Variants in MAPK10 observed in about 807,000 individuals in gnomAD.
The protein encoded by MAPK10 is JNK3 alpha protein kinase.
Under a neutral mutation model 59.3 loss-of-function variants are expected in MAPK10, and 25 were observed. The observed-to-expected ratio is 0.42, with a 90% CI of 0.31 to 0.59. MAPK10 has a LOEUF of 0.59. Ranked by LOEUF, MAPK10 falls within the 20% of genes least tolerant of loss-of-function variation. MAPK10 has a pLI of 0.15. For missense variants in MAPK10, 351 were observed against 568.9 expected, an observed-to-expected ratio of 0.62 and a Z score of 3.90; for synonymous variants, 190 against 200.5, an observed-to-expected ratio of 0.95 and a Z score of 0.44.
chr4:86,411,930 G>C (rs1745227936), intron 1 of MAPK10, among the ~76,000 whole-genome samples: 1 of 152,132 alleles, frequency 6.6e-6, no homozygotes, highest in Non-Finnish European at 1.5e-5. Flanking sequence ...ATTTGAATTT[G>C]ATCCTGTCAT....
intron 1 of MAPK10, among the ~76,000 whole-genome samples, chr4:86,469,547 A>C (rs974511668): frequency 6.6e-5 from 10 of 152,222 alleles, no homozygotes; most frequent in Non-Finnish European, 1.0e-4. Flanking sequence ...GCAATCACTC[A>C]CTGCCAAGAT....
chr4:86,427,328 A>T lies in MAPK10; in HGVS notation c.-122+25702T>A, dbSNP rs370108289. On this transcript the variant is annotated intron_variant, in intron 1 of 13. Transcript: ENST00000361569. The stretch of plus-strand genomic sequence containing the variant: ...TATGGTTTCCAAGTCAATGCAGATT[A>T]TCTATGTCACTCTCTCAACGATGCA... 1.5e-4 allele frequency among the ~76,000 whole-genome samples: 23 copies of T among 152,070 alleles called. No individual in the cohort carries two copies. The Middle Eastern group carries it at 0.014, about 91-fold the overall frequency.
intron 2 of MAPK10, chr4:86,327,678 C>T (rs1362480399): frequency 6.7e-6 from 1 of 150,372 alleles, no homozygotes; most frequent in African/African-American, 2.4e-5. Flanking sequence ...GGTGGCTCAC[C>T]CCTGTAATCT....
At chr4:86,292,800 G>A (rs758907259) in intron 2 of MAPK10, among the ~76,000 whole-genome samples, 14 of 152,184 alleles carry the variant, frequency 9.2e-5, no homozygotes, top group Non-Finnish European at 1.8e-4. Context: ...CTTTGGCCAA[G>A]GAGATGATAT....
At chr4:86,050,455 AC>A in intron 11 of MAPK10, among the ~76,000 whole-genome samples, 2 of 152,184 alleles carry the variant, frequency 1.3e-5, no homozygotes, top group Middle Eastern at 6.8e-3. Context: ...CTAATTGTTG[AC>A]CCACAGTGGT....
In MAPK10 at chr4:86,102,014, C is replaced by T. The variant is rs1431193894; in HGVS notation, c.444G>A (p.Leu148=). ...TCACTTGACATAAGTTGGCATCCAT[C>T]AGTTCCATTACTAAGTAACTAGAAG... is the stretch of plus-strand genomic sequence containing the variant. ...EFQDVYLVME[L]MDANLCQVIQ... Residue 148 remains leucine (L), a synonymous_variant, in exon 7 of 14, where the codon CTG becomes CTA. Transcript: ENST00000641462. The T allele has an allele frequency of 6.2e-7, 1 of 1,613,944 alleles. No individual in the cohort carries two copies. Among genetic ancestry groups the T allele is most frequent in the African/African-American group, 1.3e-5 (1 of 75,046 alleles).
intron 1 of MAPK10, among the ~76,000 whole-genome samples, chr4:86,486,153 G>A (rs1167496536): frequency 6.6e-6 from 1 of 152,172 alleles, no homozygotes; most frequent in Non-Finnish European, 1.5e-5. Flanking sequence ...GTTGGGTGTG[G>A]TGGTGCCCAC....
intron 1 of MAPK10, among the ~76,000 whole-genome samples, chr4:86,580,790 AT>A (rs1458962978): frequency 1.3e-5 from 2 of 152,226 alleles, no homozygotes; most frequent in East Asian, 3.9e-4. Context: ...GTGGACACAC[AT>A]TTCTTTGAAT....
intron 2 of MAPK10, among the ~76,000 whole-genome samples, chr4:86,260,251 G>T (rs1157665723): frequency 6.6e-6 from 1 of 151,962 alleles, no homozygotes; most frequent in Non-Finnish European, 1.5e-5. Context: ...TCTGTTTTGA[G>T]GCTTTCCATT....
intron 4 of MAPK10, chr4:86,125,139 T>C (rs2059868282): frequency 6.6e-6 from 1 of 151,918 alleles, no homozygotes. Flanking sequence ...AGAACATTTT[T>C]CAAATAAAAA....
At chr4:86,372,520 A>AAAAGAAAGAAAGAAAGAAAG (rs71598410) in intron 1 of MAPK10, among the ~76,000 whole-genome samples, 15 of 90,054 alleles carry the variant, frequency 1.7e-4, no homozygotes, top group Admixed American at 6.1e-4. Flanking sequence ...CATCTCAAAC[A>AAAAGAAAGAAAGAAAGAAAG]AAAGAAAGAA....
chr4:86,044,178 A>T (rs1560921250), intron 11 of MAPK10, among the ~76,000 whole-genome samples: 2 of 152,180 alleles, frequency 1.3e-5, no homozygotes, highest in Non-Finnish European at 2.9e-5. Flanking sequence ...TGTGCAATAT[A>T]TTGTGATGCT....
intron 1 of MAPK10, among the ~76,000 whole-genome samples, chr4:86,581,908 TA>T (rs1195833487): frequency 1.8e-4 from 1 of 5,484 alleles, no homozygotes; most frequent in African/African-American, 5.0e-4. Context: ...ATTATATATA[TA>T]TATATATATA....
chr4:86,482,145 GT>G (rs1008748433), intron 1 of MAPK10, among the ~76,000 whole-genome samples: 1 of 152,118 alleles, frequency 6.6e-6, no homozygotes, highest in African/African-American at 2.4e-5. Context: ...ACTCTTACAA[GT>G]TTCATAAATT....
chr4:86,158,624 AT>A (rs1313795274), intron 4 of MAPK10, among the ~76,000 whole-genome samples: 1 of 151,872 alleles, frequency 6.6e-6, no homozygotes, highest in African/African-American at 2.4e-5. Context: ...TATTAAATAC[AT>A]TTGGTTGTGA....
At chr4:86,091,650 G>A (rs2053207019) in intron 9 of MAPK10, among the ~76,000 whole-genome samples, 2 of 140,514 alleles carry the variant, frequency 1.4e-5, no homozygotes. Flanking sequence ...TGTTGCTTTA[G>A]CACCAGTTGG....
intron 11 of MAPK10, among the ~76,000 whole-genome samples, chr4:86,037,638 C>G (rs1161005745): frequency 6.6e-6 from 1 of 151,850 alleles, no homozygotes; most frequent in African/African-American, 2.4e-5. Context: ...AGATAATTTT[C>G]AAAGATACAT....
intron 9 of MAPK10, chr4:86,079,969 T>C (rs749482570): frequency 3.3e-5 from 5 of 152,108 alleles, no homozygotes; most frequent in Non-Finnish European, 5.9e-5. Context: ...GCAGCTATTA[T>C]CACCTTCTTC....
At chr4:86,147,372 A>G (rs1200513515) in intron 4 of MAPK10, among the ~76,000 whole-genome samples, 1 of 152,052 alleles carries the variant, frequency 6.6e-6, no homozygotes, top group Non-Finnish European at 1.5e-5. Context: ...CCTTTATTTC[A>G]GTTTACAAAC....
Sources: allele counts gnomAD v4.1 joint callset (sites outside exome capture counted in the v4.1 genomes callset), GRCh38; gene constraint gnomAD v4.1.1; transcripts MANE v1.5; gene names NCBI Gene and HGNC (gene_info 2026-07-23, HGNC 2026-07-21).